The following RNF157 variants were observed in gnomAD, a reference collection of about 807,000 sequenced individuals.
RNF157 encodes the protein ring finger protein 157, also known as E3 ubiquitin ligase RNF157.
In RNF157, 55 loss-of-function variants were observed where a neutral mutation model predicts 88.3. The ratio of observed to expected loss-of-function variants is 0.62; its 90% CI spans 0.50 to 0.78. The LOEUF (loss-of-function observed/expected upper bound fraction) is 0.78, where lower values mean the gene tolerates loss of function less well. RNF157 is among the 30% of genes least tolerant of loss of function. The pLI, the probability that RNF157 is intolerant of heterozygous loss-of-function variation, is 0.00. For missense variants in RNF157, 788 were observed against 860.8 expected (o/e 0.92, Z 1.06); for synonymous variants, 334 against 341.2 (o/e 0.98, Z 0.23).
At chr17:76,227,117 GTTT>G (rs533845540) in intron 1 of RNF157, among the ~76,000 whole-genome samples, 1 of 138,164 alleles carries the variant, frequency 7.2e-6, no homozygotes. Flanking sequence ...CTCTTTTTTT[GTTT>G]TTTTTTTTTT....
chr17:76,145,253 C>CAA lies in RNF157; in HGVS notation c.2021_2022insTT (p.Trp674CysfsTer46), dbSNP rs1295796112. 1 of 1,606,068 alleles carries CAA rather than the reference C, an allele frequency of 6.2e-7. No homozygotes were observed. Among genetic ancestry groups the CAA allele is most frequent in the East Asian group, 2.2e-5 (1 of 44,562 alleles). ...CTGGGGCTCAGACAGCCAAAGGGCC[C>CAA]CACACACAGGGCCTCGTCTCAGAGT... On this transcript the variant is annotated frameshift_variant, in exon 19 of 19. Coordinates refer to ENST00000269391, the MANE Select transcript of RNF157 (RefSeq NM_052916.3). LOFTEE classifies it high-confidence loss of function.
At chr17:76,219,175 TAAC>T (rs1400462611) in intron 1 of RNF157, among the ~76,000 whole-genome samples, 1 of 151,676 alleles carries the variant, frequency 6.6e-6, no homozygotes, top group African/African-American at 2.4e-5. Context: ...ATAATAATAA[TAAC>T]AATTTAACAG....
rs752348897 is a variant in RNF157 at position 76,185,109 on chromosome 17, G to C, written c.208-11319C>G. Reference sequence around the variant, plus strand: ...TATCTCTCCTTATGTTTTAGGTCTTGACTCATTGTTTGAGAATACTGAGAC... The same window carrying C: ...TATCTCTCCTTATGTTTTAGGTCTTCACTCATTGTTTGAGAATACTGAGAC... On this transcript the variant is annotated intron_variant, in intron 2 of 18. Coordinates refer to ENST00000269391, the MANE Select transcript of RNF157 (RefSeq NM_052916.3). Among the ~76,000 whole-genome samples, 45 of 152,226 alleles carry C rather than the reference G, an allele frequency of 3.0e-4. 1 individual carries two copies. The highest frequency in any genetic ancestry group is 3.9e-4 in the East Asian group (2 of 5,192).
chr17:76,151,929 C>A (rs1337065320), intron 18 of RNF157, among the ~76,000 whole-genome samples: 1 of 152,224 alleles, frequency 6.6e-6, no homozygotes, highest in Non-Finnish European at 1.5e-5. Context: ...CTAGCTGAAA[C>A]ACATTTCTTC....
rs753207306 is a variant in RNF157 at position 76,156,277 on chromosome 17, TGAC to T, written c.1455_1457del (p.Ser487del). ...AAGACGACTGGTCAATAGCTCCAGATGACGACAAGGTGAGATTCTCACTTTCTG... is the reference window on the plus strand; with the variant it reads ...AAGACGACTGGTCAATAGCTCCAGATGACAAGGTGAGATTCTCACTTTCTG... On this transcript the variant is annotated inframe_deletion, in exon 14 of 19. Transcript: ENST00000269391. 5.0e-6 allele frequency: 8 copies of T among 1,614,100 alleles called. No individual in the cohort carries two copies. In the African/African-American group the frequency reaches 9.3e-5, roughly 19 times the overall value.
intron 1 of RNF157, among the ~76,000 whole-genome samples, chr17:76,238,418 A>AAG (rs3075396): frequency 0.46 from 69,534 of 151,922 alleles, 16,175 homozygotes; most frequent in African/African-American, 0.51. Flanking sequence ...AAACTTTTAA[A>AAG]ACTGGTAGAG....
chr17:76,230,817 G>A (rs532260211), intron 1 of RNF157, among the ~76,000 whole-genome samples: 4 of 120,490 alleles, frequency 3.3e-5, no homozygotes, highest in East Asian at 5.0e-4. Flanking sequence ...CAGCCTGGGC[G>A]AAAGAACAAG....
At chr17:76,147,803 C>T (rs1231933383) in intron 18 of RNF157, among the ~76,000 whole-genome samples, 1 of 152,058 alleles carries the variant, frequency 6.6e-6, no homozygotes, top group East Asian at 1.9e-4. Context: ...AATCCAGGCC[C>T]CTCCAGCCAA....
chr17:76,225,235 C>T (rs1432377551), intron 1 of RNF157, among the ~76,000 whole-genome samples: 1 of 152,102 alleles, frequency 6.6e-6, no homozygotes, highest in Admixed American at 6.6e-5. Flanking sequence ...ACTGTAATCC[C>T]AGCACTTTGG....
At chr17:76,206,720 G>A (rs1322136277) in intron 2 of RNF157, among the ~76,000 whole-genome samples, 5 of 152,252 alleles carry the variant, frequency 3.3e-5, no homozygotes, top group South Asian at 2.1e-4. Context: ...TTGGGATCTC[G>A]GCTCACTGCA....
At chr17:76,162,939 T>A in intron 8 of RNF157, 1 of 197,438 alleles carries the variant, frequency 5.1e-6, no homozygotes, top group East Asian at 1.2e-4. Context: ...AGAAAAAGGA[T>A]GGAAGGGCAT....
Position 76,194,811 on chromosome 17 carries a change from C to G in RNF157, c.207+17553G>C, listed in dbSNP as rs543539452. 2.6e-5 allele frequency among the ~76,000 whole-genome samples: 4 copies of G among 152,084 alleles called. No homozygotes were observed. In the East Asian group the frequency reaches 5.8e-4, roughly 22 times the overall value. On this transcript the variant is annotated intron_variant, in intron 2 of 18. Coordinates refer to ENST00000269391, the MANE Select transcript of RNF157 (RefSeq NM_052916.3). The stretch of plus-strand genomic sequence containing the variant: ...TGGGCAGATCACGAGGTCAGGAGAT[C>G]GAGACCATCCTGGCTAACATGGTGA...
chr17:76,206,147 C>A (rs976556669), intron 2 of RNF157, among the ~76,000 whole-genome samples: 1 of 152,038 alleles, frequency 6.6e-6, no homozygotes, highest in South Asian at 2.1e-4. Flanking sequence ...GGGAGGATCA[C>A]TTAAGCCTAG....
chr17:76,175,730 G>A (rs542708378), intron 2 of RNF157: 30 of 981,922 alleles, frequency 3.1e-5, no homozygotes, highest in South Asian at 9.4e-5. Flanking sequence ...GTACTTGGGC[G>A]TTATCCATAA....
At chr17:76,197,884 T>C (rs1359973390) in intron 2 of RNF157, among the ~76,000 whole-genome samples, 1 of 152,228 alleles carries the variant, frequency 6.6e-6, no homozygotes, top group African/African-American at 2.4e-5. Flanking sequence ...AGACTTGAGA[T>C]GGGAACGTCT....
rs541236149 is a variant in RNF157 at position 76,222,156 on chromosome 17, G to C, written c.89-9674C>G. ...AGGTCAGGAGTTCGAGACCAGCCTG[G>C]CCAACATGAAGCAACCCCGTCTCTA... On this transcript the variant is annotated intron_variant, in intron 1 of 18. Transcript: ENST00000269391. Among the ~76,000 whole-genome samples, 303 of 152,272 alleles carry C rather than the reference G, an allele frequency of 2.0e-3. 2 individuals are homozygous for C. The highest frequency in any genetic ancestry group is 7.0e-3 in the African/African-American group (289 of 41,566).
chr17:76,206,188 G>A (rs2069679309), intron 2 of RNF157, among the ~76,000 whole-genome samples: 2 of 152,064 alleles, frequency 1.3e-5, no homozygotes, highest in South Asian at 4.1e-4. Flanking sequence ...CTGTAGTTGT[G>A]CCACTGTACC....
rs1391215058 is a variant in RNF157, at chr17:76,161,704, A to G, written c.953-57T>C. 8.4e-6 allele frequency: 13 copies of G among 1,552,184 alleles called. No individual in the cohort carries two copies. The highest frequency in any genetic ancestry group is 1.7e-4 in the Middle Eastern group (1 of 5,822). ...CCTGATACAGGATTAAGAATGAACA[A>G]GAGCCCAGACAGAAACCATGATCCC... On this transcript the variant is annotated intron_variant, in intron 10 of 18. Coordinates refer to ENST00000269391, the MANE Select transcript of RNF157 (RefSeq NM_052916.3). The surrounding 1 kb of genome is among the most constrained non-coding windows in gnomAD (Gnocchi z 4.6).
chr17:76,219,322 T>C (rs1405539388), intron 1 of RNF157, among the ~76,000 whole-genome samples: 1 of 151,870 alleles, frequency 6.6e-6, no homozygotes. Flanking sequence ...CATATATTTA[T>C]ATACATATAA....
Sources: allele counts gnomAD v4.1 joint callset (sites outside exome capture counted in the v4.1 genomes callset), GRCh38; gene constraint gnomAD v4.1.1; non-coding constraint Gnocchi (gnomAD v3.1); transcripts MANE v1.5; gene names NCBI Gene and HGNC (gene_info 2026-07-23, HGNC 2026-07-21).